CPT1B: variants seen among roughly 807,000 people sequenced by gnomAD.
CPT1B encodes carnitine palmitoyltransferase 1B, also known as carnitine O-palmitoyltransferase 1, muscle isoform.
Under a neutral mutation model 92.7 loss-of-function variants are expected in CPT1B, and 57 were observed. That is an observed-to-expected ratio of 0.62 (90% CI 0.50 to 0.77). The LOEUF is 0.77. Ranked by LOEUF, CPT1B falls within the 30% of genes least tolerant of loss-of-function variation. CPT1B has a pLI of 0.00. For synonymous variants in CPT1B, 398 were observed against 383.5 expected (o/e 1.04, Z -0.44); for missense variants, 983 against 1,017.4 (o/e 0.97, Z 0.46).
intron 4 of CPT1B, 87 bp from the exon 5 acceptor site, chr22:50,576,724 C>G (rs1027801672): frequency 1.3e-6 from 2 of 1,552,324 alleles, no homozygotes; most frequent in African/African-American, 1.4e-5. Context: ...TCAGAGCCAT[C>G]CCAGCCCCTC....
chr22:50,571,010 C>T lies in CPT1B; in HGVS notation c.1909G>A (p.Ala637Thr). 2.5e-6 allele frequency: 4 copies of T among 1,614,070 alleles called. No individual in the cohort carries two copies. The highest frequency in any genetic ancestry group is 3.4e-6 in the Non-Finnish European group (4 of 1,180,022). ...ADLRDLFQKA[A>T]KKHQNMYRLA... ...CGGTACATATTCTGGTGCTTCTTAG[C>T]AGCCTTCTGGAAGAGATCTCGCAGG... The change falls in exon 16 of 20, where the codon GCT (alanine) becomes ACT (threonine). Residue 637 changes from alanine (A) to threonine (T), a missense_variant. By Grantham distance (58) the Ala-to-Thr change is moderately conservative (BLOSUM62 0). Coordinates refer to ENST00000312108, the MANE Select transcript of CPT1B (RefSeq NM_152246.3).
intron 3 of CPT1B, 122 bp downstream of exon 3, chr22:50,577,202 G>T (rs1368974029): frequency 1.4e-6 from 2 of 1,416,352 alleles, no homozygotes; most frequent in African/African-American, 2.8e-5. Context: ...TCATAGGGGA[G>T]GGCTGCCCCG....
intron 2 of CPT1B, 64 bp from the exon 3 acceptor site, chr22:50,577,527 C>G (rs2070508140): frequency 6.3e-7 from 1 of 1,591,094 alleles, no homozygotes; most frequent in Admixed American, 1.8e-5. Context: ...CCTGTGAAGT[C>G]TTGGGAACTG....
chr22:50,571,310 G>T lies in CPT1B; in HGVS notation c.1741-18C>A. The T allele has an allele frequency of 6.2e-7, 1 of 1,613,710 alleles. No homozygotes were observed. The highest frequency in any genetic ancestry group is 1.3e-5 in the African/African-American group (1 of 75,064). ...CCCCTGTCCTGGGATATACAGAGGG[G>T]TGAATCTGGCAGGTGGACCCTGGTA... On this transcript the variant is annotated intron_variant, in intron 14 of 19. Transcript: ENST00000312108.
At position 50,576,017 on chromosome 22, in the gene CPT1B, G is replaced by C; in HGVS notation, c.777+18C>G. 6.2e-7 allele frequency: 1 copy of C among 1,611,304 alleles called. No individual in the cohort carries two copies. The highest frequency in any genetic ancestry group is 8.5e-7 in the Non-Finnish European group (1 of 1,177,556). On this transcript the variant is annotated intron_variant, in intron 7 of 19. Transcript: ENST00000312108. ...CAGAGCTGAGCACGTGCGGGGACCT[G>C]GGGGCTCTAGTTCATACCATGACAT...
chr22:50,577,743 G>A (rs201170138), intron 2 of CPT1B, 32 bp downstream of exon 2: 41 of 1,605,102 alleles, frequency 2.6e-5, no homozygotes, highest in Admixed American at 1.2e-4. Flanking sequence ...GCCGGCCTCT[G>A]CCTACGCTCT....
At chr22:50,572,577 C>A (rs1008172992) in intron 11 of CPT1B, among the ~76,000 whole-genome samples, 1 of 152,118 alleles carries the variant, frequency 6.6e-6, no homozygotes, top group Non-Finnish European at 1.5e-5. Context: ...CCACCATGCC[C>A]GGCTTTTAAC....
chr22:50,572,346 G>C, intron 11 of CPT1B, 38 bp from the exon 12 acceptor site: 1 of 1,448,716 alleles, frequency 6.9e-7, no homozygotes, highest in South Asian at 1.1e-5. Flanking sequence ...CCAAAGCTGG[G>C]AATGTCCAGA....
rs572856960 is a variant in CPT1B, at chr22:50,573,041, G to A, written c.1186C>T (p.Arg396Cys). 1.1e-4 allele frequency: 169 copies of A among 1,602,872 alleles called. 2 individuals carry two copies. The South Asian group carries it at 1.2e-3, about 11-fold the overall frequency. ...TTTCCAGAGCTAAAGAAGGCCTGGC[G>A]TGCCTGCGCCCACTCCACCCTGAAG... The part of the protein sequence containing the change: ...AGGRVEWAQA[R>C]QAFFSSGKNK... Residue 396 changes from arginine (R) to cysteine (C), a missense_variant, in exon 11 of 20, where the codon CGC (arginine) becomes TGC (cysteine). Coordinates refer to ENST00000312108, the MANE Select transcript of CPT1B (RefSeq NM_152246.3). This position sits in a 1 kb window ranked among gnomAD's most constrained non-coding sequence, Gnocchi z 5.0.
chr22:50,574,348 C>G lies in CPT1B; in HGVS notation c.957G>C (p.Pro319=). The G allele has an allele frequency of 1.2e-6, 2 of 1,612,892 alleles. No individual in the cohort carries two copies. Among genetic ancestry groups the G allele is most frequent in the African/African-American group, 2.7e-5 (2 of 75,006 alleles). Residue 319 remains proline (P), a synonymous_variant, in exon 9 of 20, where the codon CCG becomes CCC. Coordinates refer to ENST00000312108, the MANE Select transcript of CPT1B (RefSeq NM_152246.3). ...GGGCTCAGTTACCTGTGTCCTTGCC[C>G]GGGATCCGAGTGGTGTTGAACATCC... ...MERMFNTTRI[P]GKDTDVLQHL...
In CPT1B at chr22:50,576,209, C is replaced by T; in HGVS notation, c.688G>A (p.Ala230Thr). Residue 230 changes from alanine to threonine, a missense_variant, in exon 6 of 20, where the codon GCA becomes ACA. Physicochemically the swap from Ala to Thr is moderately conservative, Grantham distance 58. Coordinates refer to ENST00000312108, the MANE Select transcript of CPT1B (RefSeq NM_152246.3). Reference protein sequence around the residue: ...QKYLVLKSWWASNYVSDWWEE... With the variant: ...QKYLVLKSWWTSNYVSDWWEE... ...GGGCAGGAACTTACATAGTTACTTGCCCACCATGACTTGAGCACCAGGTAT... is the reference window on the plus strand; with the variant it reads ...GGGCAGGAACTTACATAGTTACTTGTCCACCATGACTTGAGCACCAGGTAT... 2 of 1,614,068 alleles carry T rather than the reference C, an allele frequency of 1.2e-6. No homozygotes were observed. Among genetic ancestry groups the T allele is most frequent in the Non-Finnish European group, 1.7e-6 (2 of 1,180,012 alleles).
At chr22:50,577,653 T>C in intron 2 of CPT1B, 122 bp downstream of exon 2, 1 of 1,471,682 alleles carries the variant, frequency 6.8e-7, no homozygotes, top group Non-Finnish European at 9.3e-7. Flanking sequence ...CTGGTGTCTG[T>C]ACTTCCACAA....
At chr22:50,569,810 C>T in intron 17 of CPT1B, 142 bp from the exon 18 acceptor site, 1 of 701,448 alleles carries the variant, frequency 1.4e-6, no homozygotes, top group Non-Finnish European at 2.5e-6. Flanking sequence ...TGAGGACCAC[C>T]CCCAGGAAAC....
chr22:50,577,154 G>A (rs2070481572), intron 3 of CPT1B, 120 bp from the exon 4 acceptor site: 4 of 1,381,406 alleles, frequency 2.9e-6, no homozygotes, highest in South Asian at 2.6e-5. Context: ...ATGTCTGACT[G>A]CATCAAATGA....
chr22:50,573,574 G>A lies in CPT1B; in HGVS notation c.1112C>T (p.Pro371Leu). 1.2e-6 allele frequency: 2 copies of A among 1,613,614 alleles called. No individual in the cohort carries two copies. Among genetic ancestry groups the A allele is most frequent in the Non-Finnish European group, 1.7e-6 (2 of 1,179,934 alleles). Reference protein sequence around the residue: ...EMQFQRILDDPSPPQPGEEKL... With the variant: ...EMQFQRILDDLSPPQPGEEKL... The stretch of plus-strand genomic sequence containing the variant: ...CTCCTCCCCAGGCTGAGGTGGGGAG[G>A]GGTCGTCCAGGATCCTCTGGAACTG... The change falls in exon 10 of 20, where the codon CCC becomes CTC. Residue 371 changes from proline to leucine, a missense_variant. Pro to Leu is a moderately conservative substitution (Grantham distance 98). Transcript: ENST00000312108. The surrounding 1 kb of genome is among the most constrained non-coding windows in gnomAD (Gnocchi z 5.0).
chr22:50,574,628 G>T lies in CPT1B; in HGVS notation c.778-28C>A, dbSNP rs375240143. 37 of 1,594,580 alleles carry T rather than the reference G, an allele frequency of 2.3e-5. No homozygotes were observed. In the South Asian group the frequency reaches 3.0e-4, roughly 13 times the overall value. On this transcript the variant is annotated intron_variant, in intron 7 of 19. Coordinates refer to ENST00000312108, the MANE Select transcript of CPT1B (RefSeq NM_152246.3). ...ACAGAGGAACAGAGCCCGCGGGGTG[G>T]GGGCCTCTGTCTGGGTGTCACCTGA...
chr22:50,572,306 C>A lies in CPT1B; in HGVS notation c.1355G>T (p.Trp452Leu). 6.2e-7 allele frequency: 1 copy of A among 1,610,146 alleles called. No homozygotes were observed. The highest frequency in any genetic ancestry group is 1.1e-5 in the South Asian group (1 of 90,978). ...ALLHGNCYNR[W>L]FDKSFTLISF... is the part of the protein sequence containing the mutation. ...AATGAGAGTGAAGGATTTGTCAAAC[C>A]ACCTGCAGGAAGAGTAGACACATGA... Residue 452 changes from tryptophan (W) to leucine (L), a missense_variant and splice_region_variant, in exon 12 of 20, where the codon TGG becomes TTG. Physicochemically the swap from Trp to Leu is moderately conservative, Grantham distance 61 (BLOSUM62 -2). Coordinates refer to ENST00000312108, the MANE Select transcript of CPT1B (RefSeq NM_152246.3).
chr22:50,571,450 G>A lies in CPT1B; in HGVS notation c.1665C>T (p.Gly555=). ...TCCGGCACTTCTTGATGAGGCCTTT[G>A]CCAAAGGGCAGGAACTGGAAGCAGT... ...ELYCFQFLPF[G]KGLIKKCRTS... is the part of the protein sequence containing the mutation. The change falls in exon 14 of 20, where the codon GGC becomes GGT. Residue 555 remains glycine, a synonymous_variant. Coordinates refer to ENST00000312108, the MANE Select transcript of CPT1B (RefSeq NM_152246.3). 6.2e-7 allele frequency: 1 copy of A among 1,613,836 alleles called. No homozygotes were observed. Among genetic ancestry groups the A allele is most frequent in the Non-Finnish European group, 8.5e-7 (1 of 1,180,042 alleles).
In CPT1B at chr22:50,572,186, C is replaced by G; in HGVS notation, c.1458+17G>C. 6.2e-7 allele frequency: 1 copy of G among 1,609,898 alleles called. No homozygotes were observed. Among genetic ancestry groups the G allele is most frequent in the Non-Finnish European group, 8.5e-7 (1 of 1,176,164 alleles). On this transcript the variant is annotated intron_variant, in intron 12 of 19. Transcript: ENST00000312108. ...CCCTACAGCCTGCCCTGCAGGTTCC[C>G]TCTGCAAGGCTATTACCTCCCAGAG...
Sources: allele counts gnomAD v4.1 joint callset (sites outside exome capture counted in the v4.1 genomes callset), GRCh38; gene constraint gnomAD v4.1.1; non-coding constraint Gnocchi (gnomAD v3.1); transcripts MANE v1.5; gene names NCBI Gene and HGNC (gene_info 2026-07-23, HGNC 2026-07-21).